The following UBR3 variants were observed in gnomAD, a reference collection of about 807,000 sequenced individuals.
UBR3 encodes ubiquitin protein ligase E3 component n-recognin 3.
Under a neutral mutation model 243.2 loss-of-function variants are expected in UBR3, and 85 were observed. The observed-to-expected ratio is 0.35, with a 90% CI of 0.29 to 0.42. The LOEUF (loss-of-function observed/expected upper bound fraction) is 0.42. Among genes scored for constraint, UBR3 ranks in the 10% least tolerant of loss-of-function variants. The pLI, the probability that UBR3 is intolerant of heterozygous loss-of-function variation, is 1.00. For synonymous variants in UBR3, 748 were observed against 799.8 expected (o/e 0.94, Z 1.09); for missense variants, 1,686 against 2,300.8 (o/e 0.73, Z 5.47).
At position 169,967,187 on chromosome 2, in the gene UBR3, C is replaced by T. The variant is rs907457235; in HGVS notation, c.3634+8661C>T. Among the ~76,000 whole-genome samples, 3 of 151,992 alleles carry T rather than the reference C, an allele frequency of 2.0e-5. No individual in the cohort carries two copies. In the East Asian group the frequency reaches 5.8e-4, roughly 29 times the overall value. ...GCTATTAATCAAGAAGTTTTGCATGCTCTTTACTATTTCTTCATATTAAAG... is the reference window on the plus strand; with the variant it reads ...GCTATTAATCAAGAAGTTTTGCATGTTCTTTACTATTTCTTCATATTAAAG... On this transcript the variant is annotated intron_variant, in intron 24 of 38. Coordinates refer to ENST00000272793, the MANE Select transcript of UBR3 (RefSeq NM_172070.4).
At chr2:170,022,353 G>A (rs1049588586) in intron 30 of UBR3, among the ~76,000 whole-genome samples, 8 of 152,118 alleles carry the variant, frequency 5.3e-5, no homozygotes, top group African/African-American at 1.9e-4. Context: ...AAGTATGAAA[G>A]TACTCAAGAC....
At chr2:169,862,136 A>G (rs79574761) in intron 1 of UBR3, among the ~76,000 whole-genome samples, 21,416 of 152,102 alleles carry the variant, frequency 0.14, 2,050 homozygotes, top group East Asian at 0.44. Flanking sequence ...TAGATTTTCA[A>G]CATCTCTATT....
intron 11 of UBR3, 22 bp from the exon 12 acceptor site, chr2:169,923,907 G>A: frequency 6.6e-7 from 1 of 1,524,562 alleles, no homozygotes; most frequent in South Asian, 1.3e-5. Context: ...TTTGACTTGT[G>A]CATTTTGTTT....
At chr2:169,842,725 A>G (rs2082340220) in intron 1 of UBR3, among the ~76,000 whole-genome samples, 1 of 152,116 alleles carries the variant, frequency 6.6e-6, no homozygotes, top group African/African-American at 2.4e-5. Flanking sequence ...GAAGGAAGAA[A>G]CTCCGAACAC....
chr2:169,987,112 G>T (rs560900006), intron 25 of UBR3, among the ~76,000 whole-genome samples: 4 of 152,160 alleles, frequency 2.6e-5, no homozygotes, highest in African/African-American at 9.6e-5. Flanking sequence ...GTTCTGGCCG[G>T]GTGTGGTGCC....
chr2:170,083,482 G>T lies in UBR3; in HGVS notation c.*1639G>T, dbSNP rs2091937164. The T allele has an allele frequency of 1.3e-5, 2 of 152,518 alleles. No homozygotes were observed. Among genetic ancestry groups the T allele is most frequent in the Admixed American group, 1.3e-4 (2 of 15,270 alleles). 9.4% of individuals were successfully genotyped at this position (152,518 alleles called of 1,614,324 possible). ...TACTTTTTTAAATACTGTATCATAA[G>T]TTCAGCCTGTCATACTTTTTGCATT... is the stretch of plus-strand genomic sequence containing the variant. On this transcript the variant is annotated 3_prime_UTR_variant, in exon 39 of 39. Coordinates refer to ENST00000272793, the MANE Select transcript of UBR3 (RefSeq NM_172070.4).
chr2:169,947,049 C>A (rs559859705), intron 21 of UBR3, among the ~76,000 whole-genome samples: 1 of 152,158 alleles, frequency 6.6e-6, no homozygotes, highest in East Asian at 1.9e-4. Context: ...TATAACACAG[C>A]ATAATAATAG....
chr2:170,033,299 A>G (rs1947711), intron 31 of UBR3, among the ~76,000 whole-genome samples: 17,105 of 152,048 alleles, frequency 0.11, 1,180 homozygotes, highest in Admixed American at 0.19. Context: ...ACTTCATGCT[A>G]GGCATTTTGG....
At chr2:170,017,646 C>A (rs2090285818) in intron 30 of UBR3, among the ~76,000 whole-genome samples, 1 of 151,698 alleles carries the variant, frequency 6.6e-6, no homozygotes, top group Non-Finnish European at 1.5e-5. Context: ...ATGGCCAAAT[C>A]TCTACTGAGA....
Position 170,029,449 on chromosome 2 carries a change from G to GT in UBR3, c.4556+2dup. 6.3e-7 allele frequency: 1 copy of GT among 1,599,122 alleles called. No individual in the cohort carries two copies. Among genetic ancestry groups the GT allele is most frequent in the Non-Finnish European group, 8.5e-7 (1 of 1,172,486 alleles). On this transcript the variant is annotated splice_donor_variant, in intron 31 of 38. Coordinates refer to ENST00000272793, the MANE Select transcript of UBR3 (RefSeq NM_172070.4). LOFTEE classifies it high-confidence loss of function. ...CCCAGTTAGAAGAGATGAATCCACA[G>GT]TAAGTATAATTGAAAGACTAAAATC...
rs766072891 is a variant in UBR3 at position 169,958,428 on chromosome 2, T to C, written c.3546-10T>C. The C allele has an allele frequency of 6.2e-7, 1 of 1,611,600 alleles. No homozygotes were observed. The highest frequency in any genetic ancestry group is 1.3e-5 in the African/African-American group (1 of 74,770). On this transcript the variant is annotated splice_polypyrimidine_tract_variant and intron_variant, in intron 23 of 38. Transcript: ENST00000272793. ...TCTGATACTTAAAACTTTATTTCTG[T>C]TTAATCTAGGCGACAGAAGGCTAGA...
At chr2:169,843,491 G>T (rs2082366251) in intron 1 of UBR3, among the ~76,000 whole-genome samples, 1 of 152,140 alleles carries the variant, frequency 6.6e-6, no homozygotes, top group Non-Finnish European at 1.5e-5. Flanking sequence ...CTTCCCCAAA[G>T]GCCCTGCCTC....
intron 35 of UBR3, among the ~76,000 whole-genome samples, chr2:170,067,539 C>T (rs1165441175): frequency 1.3e-5 from 2 of 152,030 alleles, no homozygotes; most frequent in Non-Finnish European, 2.9e-5. Context: ...CTCCAACAAA[C>T]AGCAGAATAT....
chr2:169,869,127 C>A (rs2083350262), intron 1 of UBR3, among the ~76,000 whole-genome samples: 1 of 144,222 alleles, frequency 6.9e-6, no homozygotes, highest in South Asian at 2.3e-4. Context: ...AAGAACATTT[C>A]ATAAATGGTG....
At chr2:169,903,202 A>G (rs764512589) in intron 8 of UBR3, among the ~76,000 whole-genome samples, 1 of 152,210 alleles carries the variant, frequency 6.6e-6, no homozygotes, top group Non-Finnish European at 1.5e-5. Flanking sequence ...AGAAGTCCTA[A>G]TCATTTTATT....
At chr2:170,078,308 C>T in intron 36 of UBR3, 1 of 288,256 alleles carries the variant, frequency 3.5e-6, no homozygotes, top group Non-Finnish European at 6.7e-6. Flanking sequence ...ACAGGCGCAG[C>T]CCCTGGGGTG....
At chr2:170,001,704 T>C (rs996322560) in intron 27 of UBR3, among the ~76,000 whole-genome samples, 1 of 152,006 alleles carries the variant, frequency 6.6e-6, no homozygotes, top group Admixed American at 6.6e-5. Context: ...GAGACCAGCC[T>C]GGCCAACGTG....
chr2:169,906,258 AT>A, intron 10 of UBR3, 94 bp downstream of exon 10: 1 of 1,352,156 alleles, frequency 7.4e-7, no homozygotes, highest in South Asian at 1.7e-5. Flanking sequence ...GCAGTGTTTA[AT>A]TTTGTTTCAA....
chr2:169,884,968 T>C (rs1379002138), intron 5 of UBR3, among the ~76,000 whole-genome samples: 1 of 152,234 alleles, frequency 6.6e-6, no homozygotes, highest in African/African-American at 2.4e-5. Flanking sequence ...TACTTAAATA[T>C]AGATGTTCTT....
Sources: allele counts gnomAD v4.1 joint callset (sites outside exome capture counted in the v4.1 genomes callset), GRCh38; gene constraint gnomAD v4.1.1; transcripts MANE v1.5; gene names NCBI Gene and HGNC (gene_info 2026-07-23, HGNC 2026-07-21).